BRSK2: variants seen among roughly 807,000 people sequenced by gnomAD.
BRSK2 encodes serine/threonine-protein kinase BRSK2.
In BRSK2, 19 loss-of-function variants were observed where a neutral mutation model predicts 83.3. That is an observed-to-expected ratio of 0.23 (90% CI 0.16 to 0.33). The LOEUF (loss-of-function observed/expected upper bound fraction) is 0.33, where lower values mean the gene tolerates loss of function less well. Among genes scored for constraint, BRSK2 ranks in the 10% least tolerant of loss-of-function variants. BRSK2 has a pLI of 1.00. For synonymous variants in BRSK2, 519 were observed against 435.4 expected, an observed-to-expected ratio of 1.19 and a Z score of -2.39; for missense variants, 798 against 1,042.3, an observed-to-expected ratio of 0.77 and a Z score of 3.23.
Position 1,440,908 on chromosome 11 carries a change from C to T in BRSK2, c.393C>T (p.Phe131=), listed in dbSNP as rs759193990. The stretch of plus-strand genomic sequence containing the variant: ...GGCAGATCATCTCTGCGCTGGACTT[C>T]TGCCACAGCCACTCCATATGGTGAG... The part of the protein sequence containing the change: ...FFRQIISALD[F]CHSHSICHRD... Residue 131 remains phenylalanine, a synonymous_variant, in exon 4 of 20, where the codon TTC becomes TTT. Coordinates refer to ENST00000528841, the MANE Select transcript of BRSK2 (RefSeq NM_001256627.2). 1.9e-6 allele frequency: 3 copies of T among 1,609,282 alleles called. No homozygotes were observed. The highest frequency in any genetic ancestry group is 2.5e-6 in the Non-Finnish European group (3 of 1,178,780).
chr11:1,436,735 G>GA (rs1850353451), intron 2 of BRSK2, among the ~76,000 whole-genome samples: 1 of 152,088 alleles, frequency 6.6e-6, no homozygotes, highest in Non-Finnish European at 1.5e-5. Context: ...CCCACAGTGG[G>GA]ACCTGGGCTG....
At position 1,390,390 on chromosome 11, in the gene BRSK2, G is replaced by A. The variant is rs1275277158; in HGVS notation, c.91+15G>A. 5 of 1,015,604 alleles carry A rather than the reference G, an allele frequency of 4.9e-6. No individual in the cohort carries two copies. Among genetic ancestry groups the A allele is most frequent in the Non-Finnish European group, 1.2e-6 (1 of 842,456 alleles). 62.9% of individuals were successfully genotyped at this position (1,015,604 alleles called of 1,614,324 possible). On this transcript the variant is annotated intron_variant, in intron 1 of 19. Transcript: ENST00000528841. The surrounding 1 kb of genome is among the most constrained non-coding windows in gnomAD (Gnocchi z 6.8). ...GGGGCAGACAGGTGCGTGCGGCCGG[G>A]GCGGGGACCGGGGCCGGGGAGGCCG...
intron 1 of BRSK2, among the ~76,000 whole-genome samples, chr11:1,399,543 T>G (rs550912919): frequency 2.6e-5 from 4 of 152,128 alleles, no homozygotes; most frequent in Non-Finnish European, 5.9e-5. Context: ...ATAGGGATTG[T>G]GGCAAGGCCG....
chr11:1,393,406 T>C (rs1845849054), intron 1 of BRSK2, among the ~76,000 whole-genome samples: 1 of 151,946 alleles, frequency 6.6e-6, no homozygotes. Flanking sequence ...GCGGGTGGGC[T>C]GCATGGGACG....
intron 15 of BRSK2, among the ~76,000 whole-genome samples, chr11:1,453,219 C>T (rs1480421393): frequency 6.6e-6 from 1 of 152,258 alleles, no homozygotes; most frequent in Non-Finnish European, 1.5e-5. Context: ...CTGTGCACTG[C>T]CCACCACGTG....
At chr11:1,395,871 C>G (rs1339941283) in intron 1 of BRSK2, among the ~76,000 whole-genome samples, 1 of 152,224 alleles carries the variant, frequency 6.6e-6, no homozygotes, top group Non-Finnish European at 1.5e-5. Flanking sequence ...GCTGCCCCGC[C>G]TGCTCCACCA....
At chr11:1,447,742 C>A in intron 12 of BRSK2, 2 of 1,543,534 alleles carry the variant, frequency 1.3e-6, no homozygotes, top group Non-Finnish European at 1.7e-6. Flanking sequence ...TGGGGGCCGA[C>A]CTGTGCCCGC....
chr11:1,446,227 G>A (rs180955743), intron 12 of BRSK2, among the ~76,000 whole-genome samples: 6 of 143,310 alleles, frequency 4.2e-5, no homozygotes, highest in Admixed American at 4.0e-4. Flanking sequence ...GAGCCGAGCT[G>A]GGCTGTACTG....
At chr11:1,447,998 A>AAGCC in intron 12 of BRSK2, 4 of 908,958 alleles carry the variant, frequency 4.4e-6, no homozygotes, top group Non-Finnish European at 6.8e-6. Context: ...GCCAGCCAGC[A>AAGCC]AGCCAGGCAA....
intron 1 of BRSK2, among the ~76,000 whole-genome samples, chr11:1,415,004 C>T (rs959044268): frequency 5.3e-5 from 8 of 151,952 alleles, no homozygotes; most frequent in African/African-American, 1.2e-4. Flanking sequence ...TCAGGAGTGG[C>T]GCGCTGTGGA....
At chr11:1,411,661 G>A (rs780175156) in intron 1 of BRSK2, 1 of 1,533,594 alleles carries the variant, frequency 6.5e-7, no homozygotes, top group South Asian at 1.2e-5. Context: ...TGGCTGGCCA[G>A]GGCCCCTCGA....
rs1446496868 is a variant in BRSK2, at chr11:1,390,557, G to T, written c.91+182G>T. On this transcript the variant is annotated intron_variant, in intron 1 of 19. Transcript: ENST00000528841. This position sits in a 1 kb window ranked among gnomAD's most constrained non-coding sequence, Gnocchi z 6.8. ...GCGCCCCGGTTCCGCCGCGGATCCC[G>T]CAGGCCGCTTGGCTGCGGTCGGCCG... Among the ~76,000 whole-genome samples the T allele has an allele frequency of 1.4e-5, 2 of 141,414 alleles. No individual in the cohort carries two copies. Among genetic ancestry groups the T allele is most frequent in the African/African-American group, 5.0e-5 (2 of 39,822 alleles). The allele number at this position is 141,414 out of a possible 152,430, so 92.8% of individuals were successfully genotyped here. A position where few individuals can be genotyped will look rare whatever the true frequency, so the allele number is the denominator to read the frequency against.
At chr11:1,416,364 G>A (rs115091422) in intron 1 of BRSK2, among the ~76,000 whole-genome samples, 1,650 of 152,226 alleles carry the variant, frequency 0.011, 29 homozygotes, top group African/African-American at 0.038. Context: ...CGCAAAATCC[G>A]CTGTTTTGCA....
intron 1 of BRSK2, among the ~76,000 whole-genome samples, chr11:1,428,385 T>G (rs1160991074): frequency 6.6e-6 from 1 of 152,106 alleles, no homozygotes; most frequent in Non-Finnish European, 1.5e-5. Context: ...GGAAGGTGGG[T>G]GCTTGCCAGG....
chr11:1,419,681 C>T (rs916924092), intron 1 of BRSK2, among the ~76,000 whole-genome samples: 3 of 152,284 alleles, frequency 2.0e-5, no homozygotes, highest in East Asian at 1.9e-4. Context: ...GGGGCCATGG[C>T]GGGGCCTCAC....
chr11:1,392,502 G>A (rs1845789187), intron 1 of BRSK2, among the ~76,000 whole-genome samples: 1 of 152,210 alleles, frequency 6.6e-6, no homozygotes, highest in Non-Finnish European at 1.5e-5. Flanking sequence ...AGGAGGAGCT[G>A]CTCGACTTGA....
chr11:1,414,680 G>A (rs1042632675), intron 1 of BRSK2, among the ~76,000 whole-genome samples: 2 of 152,176 alleles, frequency 1.3e-5, no homozygotes, highest in African/African-American at 4.8e-5. Flanking sequence ...ACGGTGCTAC[G>A]CGGCCACCAC....
At position 1,449,801 on chromosome 11, in the gene BRSK2, T is replaced by C; in HGVS notation, c.1252T>C (p.Ser418Pro). 6.2e-7 allele frequency: 1 copy of C among 1,612,232 alleles called. No individual in the cohort carries two copies. Among genetic ancestry groups the C allele is most frequent in the Non-Finnish European group, 8.5e-7 (1 of 1,179,540 alleles). Residue 418 changes from serine to proline, a missense_variant, in exon 13 of 20, where the codon TCA (serine) becomes CCA (proline). By Grantham distance (74) the Ser-to-Pro change is moderately conservative. Around this residue, in one of 6 missense-constraint regions of BRSK2, gnomAD observed 455 missense variants for 455.2 expected, o/e 1.00. Coordinates refer to ENST00000528841, the MANE Select transcript of BRSK2 (RefSeq NM_001256627.2). ...QRSRSISGAS[S>P]GLSTSPLSSP... Reference sequence around the variant, plus strand: ...GTCTCGGTCCATCAGCGGTGCCTCCTCAGGCCTTTCCACCAGCCCACTCAG... The same window carrying C: ...GTCTCGGTCCATCAGCGGTGCCTCCCCAGGCCTTTCCACCAGCCCACTCAG...
intron 19 of BRSK2, 54 bp from the exon 20 acceptor site, chr11:1,460,444 CTT>C (rs945560155): frequency 1.8e-6 from 2 of 1,138,946 alleles, no homozygotes; most frequent in Non-Finnish European, 2.3e-6. Context: ...TTCTCTCCCC[CTT>C]TTTTTTCTTT....
Sources: allele counts gnomAD v4.1 joint callset (sites outside exome capture counted in the v4.1 genomes callset), GRCh38; gene constraint gnomAD v4.1.1; regional missense constraint gnomAD v4.1.1; non-coding constraint Gnocchi (gnomAD v3.1); transcripts MANE v1.5; gene names NCBI Gene and HGNC (gene_info 2026-07-23, HGNC 2026-07-21).